Variants in SEPTIN14 observed in about 807,000 individuals in gnomAD.
SEPTIN14 encodes septin 14, also known as septin-14.
Under a neutral mutation model 53.6 loss-of-function variants are expected in SEPTIN14, and 40 were observed. The ratio of observed to expected loss-of-function variants is 0.75; its 90% CI spans 0.58 to 0.97. The LOEUF (loss-of-function observed/expected upper bound fraction) is 0.97, where lower values mean the gene tolerates loss of function less well. SEPTIN14 is among the 50% of genes least tolerant of loss of function. The probability of loss-of-function intolerance (pLI) is 0.00; values close to 1 mark genes in which losing one functional copy is unlikely to be tolerated. For missense variants in SEPTIN14, 471 were observed against 508.2 expected, an observed-to-expected ratio of 0.93 and a Z score of 0.70; for synonymous variants, 138 against 166.8, an observed-to-expected ratio of 0.83 and a Z score of 1.33.
intron 6 of SEPTIN14, among the ~76,000 whole-genome samples, chr7:55,820,714 C>T (rs192397327): frequency 2.0e-4 from 30 of 152,140 alleles, no homozygotes; most frequent in African/African-American, 7.2e-4. Context: ...CCGAGGTGGG[C>T]GGATCACCTG....
chr7:55,798,892 CA>C (rs1788478753), intron 9 of SEPTIN14: 1 of 153,654 alleles, frequency 6.5e-6, no homozygotes, highest in African/African-American at 2.4e-5. Context: ...CACCTGAGGT[CA>C]GAAGTTGGCC....
chr7:55,818,011 G>A (rs1465726593), intron 7 of SEPTIN14, among the ~76,000 whole-genome samples: 4 of 151,724 alleles, frequency 2.6e-5, no homozygotes, highest in African/African-American at 4.8e-5. Flanking sequence ...CACAATATAT[G>A]GTTTATTGTG....
chr7:55,797,077 C>G (rs7807685), intron 9 of SEPTIN14, among the ~76,000 whole-genome samples: 5 of 151,548 alleles, frequency 3.3e-5, no homozygotes, highest in Non-Finnish European at 5.9e-5. Flanking sequence ...AAGCCGAGAC[C>G]GTGCCATTGC....
chr7:55,839,032 A>T (rs1789259111), intron 5 of SEPTIN14, among the ~76,000 whole-genome samples: 1 of 152,164 alleles, frequency 6.6e-6, no homozygotes, highest in African/African-American at 2.4e-5. Context: ...ACCTCATTTT[A>T]TCTCAACATG....
intron 9 of SEPTIN14, among the ~76,000 whole-genome samples, chr7:55,800,102 A>T (rs1017920714): frequency 7.9e-5 from 12 of 152,246 alleles, no homozygotes; most frequent in African/African-American, 2.7e-4. Flanking sequence ...AGCACTATTC[A>T]TAATAGCCAA....
intron 2 of SEPTIN14, among the ~76,000 whole-genome samples, chr7:55,847,539 T>C (rs1454529924): frequency 6.6e-6 from 1 of 152,176 alleles, no homozygotes. Flanking sequence ...TACATTAGCC[T>C]ACAGTTGGGC....
chr7:55,806,509 C>A (rs1305660216), intron 8 of SEPTIN14, among the ~76,000 whole-genome samples: 2 of 150,110 alleles, frequency 1.3e-5, no homozygotes, highest in Non-Finnish European at 3.0e-5. Flanking sequence ...GTCCGCCACG[C>A]TGGAAGTGCA....
At chr7:55,851,168 T>C (rs1180205792) in intron 2 of SEPTIN14, among the ~76,000 whole-genome samples, 1 of 152,240 alleles carries the variant, frequency 6.6e-6, no homozygotes, top group African/African-American at 2.4e-5. Flanking sequence ...GAATAATTTA[T>C]ATGTAATAAA....
intron 2 of SEPTIN14, among the ~76,000 whole-genome samples, chr7:55,847,517 G>A (rs1389525804): frequency 6.6e-6 from 1 of 152,048 alleles, no homozygotes; most frequent in Non-Finnish European, 1.5e-5. Context: ...CCTTAGACAT[G>A]CTCAGAACAC....
intron 7 of SEPTIN14, among the ~76,000 whole-genome samples, chr7:55,812,727 T>A (rs1788722855): frequency 6.6e-6 from 1 of 152,134 alleles, no homozygotes; most frequent in African/African-American, 2.4e-5. Context: ...ATTTTAATAT[T>A]ATATCAAGAA....
chr7:55,842,874 C>G (rs1789337283), intron 5 of SEPTIN14, 68 bp downstream of exon 5: 6 of 1,081,630 alleles, frequency 5.5e-6, no homozygotes, highest in Middle Eastern at 2.6e-4. Flanking sequence ...CACCACTGCA[C>G]TCCAGCCTGG....
At chr7:55,858,322 TACCTTC>T (rs1415666455) in intron 2 of SEPTIN14, among the ~76,000 whole-genome samples, 1 of 152,230 alleles carries the variant, frequency 6.6e-6, no homozygotes, top group African/African-American at 2.4e-5. Flanking sequence ...TATTCTCACG[TACCTTC>T]ATCACCAGGC....
chr7:55,859,139 G>A (rs1789699174), intron 2 of SEPTIN14, among the ~76,000 whole-genome samples: 3 of 146,912 alleles, frequency 2.0e-5, no homozygotes, highest in Non-Finnish European at 3.0e-5. Context: ...TAACAAGAGC[G>A]AAACTCCATC....
At chr7:55,813,043 A>G (rs1043719710) in intron 7 of SEPTIN14, among the ~76,000 whole-genome samples, 2 of 151,562 alleles carry the variant, frequency 1.3e-5, no homozygotes, top group African/African-American at 4.9e-5. Flanking sequence ...TCCACTTCGC[A>G]GGTTCAAGTG....
At position 55,795,616 on chromosome 7, in the gene SEPTIN14, G is replaced by A. The variant is rs1788418570; in HGVS notation, c.*297C>T. 2.4e-5 allele frequency: 8 copies of A among 333,354 alleles called. No homozygotes were observed. The highest frequency in any genetic ancestry group is 4.8e-5 in the Admixed American group (1 of 20,726). The allele number at this position is 333,354 out of a possible 1,614,324, so 20.6% of individuals were successfully genotyped here. A position where few individuals can be genotyped will look rare whatever the true frequency, so the allele number is the denominator to read the frequency against. ...CCAAGTGGCTGGGATTACAGGTACCGGCCACCAAACCCAGCTAATTTTTGT... is the reference window on the plus strand; with the variant it reads ...CCAAGTGGCTGGGATTACAGGTACCAGCCACCAAACCCAGCTAATTTTTGT... On this transcript the variant is annotated 3_prime_UTR_variant, in exon 10 of 10. Coordinates refer to ENST00000388975, the MANE Select transcript of SEPTIN14 (RefSeq NM_207366.3).
chr7:55,818,904 T>G (rs1269112147), intron 7 of SEPTIN14, among the ~76,000 whole-genome samples: 1 of 152,218 alleles, frequency 6.6e-6, no homozygotes, highest in African/African-American at 2.4e-5. Flanking sequence ...CTGTAGATTT[T>G]GGCTTAAAGC....
At chr7:55,861,485 G>C (rs1388879742) in intron 2 of SEPTIN14, among the ~76,000 whole-genome samples, 2 of 148,608 alleles carry the variant, frequency 1.3e-5, no homozygotes, top group East Asian at 2.0e-4. Context: ...CTGAGCAACA[G>C]AGCCAGACTC....
chr7:55,860,313 T>G (rs1350889285), intron 2 of SEPTIN14, among the ~76,000 whole-genome samples: 1 of 152,176 alleles, frequency 6.6e-6, no homozygotes, highest in Non-Finnish European at 1.5e-5. Context: ...GTCACTCATA[T>G]GCATCAGCTT....
At chr7:55,802,120 T>G (rs1285942080) in intron 9 of SEPTIN14, among the ~76,000 whole-genome samples, 1 of 151,506 alleles carries the variant, frequency 6.6e-6, no homozygotes, top group South Asian at 2.1e-4. Context: ...TTCTCCTGCC[T>G]CAGCCTCCTG....
Sources: gnomAD v4.1 joint callset for allele counts (sites outside exome capture counted in the v4.1 genomes callset) on GRCh38, gnomAD v4.1.1 for gene constraint, MANE v1.5 for transcripts, NCBI Gene and HGNC (gene_info 2026-07-23, HGNC 2026-07-21) for gene names.